Variants in ZBBX observed in about 807,000 individuals in gnomAD.
ZBBX encodes zinc finger B-box domain containing.
ZBBX carries 101 observed loss-of-function variants against 108.5 expected under a neutral mutation model. The observed-to-expected ratio is 0.93, with a 90% CI of 0.79 to 1.10. The LOEUF is 1.10. ZBBX is among the 50% of genes least tolerant of loss of function. The probability of loss-of-function intolerance (pLI) is 0.00; values close to 1 mark genes in which losing one functional copy is unlikely to be tolerated. For missense variants in ZBBX, 1,009 were observed against 941.4 expected (o/e 1.07, Z -0.94); for synonymous variants, 356 against 323.4 (o/e 1.10, Z -1.08).
At chr3:167,249,524 T>A (rs1722200741) in intron 20 of ZBBX, among the ~76,000 whole-genome samples, 1 of 152,170 alleles carries the variant, frequency 6.6e-6, no homozygotes, top group South Asian at 2.1e-4. Context: ...CTAGACAAAC[T>A]CCAGTCTCAC....
At position 167,305,951 on chromosome 3, in the gene ZBBX, C is replaced by A; in HGVS notation, c.1418-1G>T. 1.3e-6 allele frequency: 2 copies of A among 1,504,958 alleles called. No individual in the cohort carries two copies. Among genetic ancestry groups the A allele is most frequent in the Non-Finnish European group, 8.9e-7 (1 of 1,127,226 alleles). 93.2% of individuals were successfully genotyped at this position (1,504,958 alleles called of 1,614,324 possible). A position where few individuals can be genotyped will look rare whatever the true frequency, so the allele number is the denominator to read the frequency against. Reference sequence around the variant, plus strand: ...TCAAAATCTGTGTTTGAAGTTTCTGCTGTTAAAAACACACAGTTACAAAAG... The same window carrying A: ...TCAAAATCTGTGTTTGAAGTTTCTGATGTTAAAAACACACAGTTACAAAAG... On this transcript the variant is annotated splice_acceptor_variant, in intron 16 of 21. Transcript: ENST00000675490. LOFTEE classifies it high-confidence loss of function.
At chr3:167,298,212 C>A in intron 18 of ZBBX, 93 bp downstream of exon 18, 1 of 1,041,092 alleles carries the variant, frequency 9.6e-7, no homozygotes, top group Non-Finnish European at 1.3e-6. Flanking sequence ...TTTAGGCTGG[C>A]AAGAAGAAAA....
chr3:167,378,730 A>G (rs1004825997), intron 2 of ZBBX, among the ~76,000 whole-genome samples: 12 of 152,170 alleles, frequency 7.9e-5, no homozygotes, highest in African/African-American at 2.9e-4. Flanking sequence ...CTTTACCCTT[A>G]GCATCTCTGC....
At chr3:167,405,070 C>T (rs1297366865) in intron 1 of ZBBX, among the ~76,000 whole-genome samples, 1 of 152,100 alleles carries the variant, frequency 6.6e-6, no homozygotes, top group Non-Finnish European at 1.5e-5. Flanking sequence ...TGCATGGATG[C>T]TTTTTATTAA....
At chr3:167,180,193 T>C in the ZBBX span, among the ~76,000 whole-genome samples, 2 of 152,204 alleles carry the variant, frequency 1.3e-5, no homozygotes, top group East Asian at 1.9e-4. Flanking sequence ...TTGAGCATTA[T>C]GCACTTGTTT....
intron 9 of ZBBX, among the ~76,000 whole-genome samples, chr3:167,349,180 G>A (rs1207455969): frequency 6.6e-6 from 1 of 152,058 alleles, no homozygotes; most frequent in East Asian, 1.9e-4. Context: ...GTCACTGAGT[G>A]ATAACTCAGA....
intron 9 of ZBBX, among the ~76,000 whole-genome samples, chr3:167,343,790 C>T (rs1349372810): frequency 1.3e-5 from 2 of 151,850 alleles, no homozygotes; most frequent in African/African-American, 4.8e-5. Context: ...ATACTGCAGC[C>T]ACTTTGAAAA....
chr3:167,352,274 T>C (rs1052153952), intron 8 of ZBBX, among the ~76,000 whole-genome samples: 2 of 151,926 alleles, frequency 1.3e-5, no homozygotes, highest in African/African-American at 4.8e-5. Context: ...AGGATTCAAA[T>C]ACGCACAATA....
At chr3:167,292,028 C>A (rs917610108) in intron 18 of ZBBX, among the ~76,000 whole-genome samples, 1 of 152,076 alleles carries the variant, frequency 6.6e-6, no homozygotes, top group Non-Finnish European at 1.5e-5. Context: ...TGTATGCACC[C>A]AACACAGGAG....
intron 18 of ZBBX, among the ~76,000 whole-genome samples, chr3:167,296,006 A>T (rs1328986578): frequency 3.3e-5 from 5 of 151,770 alleles, no homozygotes; most frequent in African/African-American, 7.3e-5. Context: ...AAATCTTCAA[A>T]GTACAAGCAA....
At chr3:167,384,957 TA>T (rs754814041), upstream of ZBBX, among the ~76,000 whole-genome samples, 1 of 152,078 alleles carries the variant, frequency 6.6e-6, no homozygotes, top group Non-Finnish European at 1.5e-5. Flanking sequence ...TGTTGGTGTA[TA>T]TATGGGTCCA....
rs777019416 is a variant in ZBBX at position 167,305,792 on chromosome 3, G to C, written c.1576C>G (p.Leu526Val). The C allele has an allele frequency of 1.6e-5, 25 of 1,612,866 alleles. No homozygotes were observed. In the South Asian group the frequency reaches 2.4e-4, roughly 16 times the overall value. ...NQKSDDSCVS[L>V]ESKDTLLGRD... ...CCTAGCAAAGTGTCCTTGCTTTCAAGTGATACACAGGAATCATCAGACTTT... is the reference window on the plus strand; with the variant it reads ...CCTAGCAAAGTGTCCTTGCTTTCAACTGATACACAGGAATCATCAGACTTT... The change falls in exon 17 of 22, where the codon CTT becomes GTT. Residue 526 changes from leucine to valine, a missense_variant. Transcript: ENST00000675490.
chr3:167,367,091 T>C (rs1373621963), intron 5 of ZBBX, among the ~76,000 whole-genome samples: 4 of 151,938 alleles, frequency 2.6e-5, no homozygotes, highest in Non-Finnish European at 1.5e-5. Context: ...AAGGTACTTC[T>C]AGGTATTTGA....
chr3:167,295,307 T>A (rs187015064), intron 18 of ZBBX, among the ~76,000 whole-genome samples: 2 of 152,192 alleles, frequency 1.3e-5, no homozygotes, highest in East Asian at 3.9e-4. Flanking sequence ...CCATCAATGA[T>A]AGACTGGATA....
At chr3:167,194,279 A>G in the ZBBX span, among the ~76,000 whole-genome samples, 4 of 142,690 alleles carry the variant, frequency 2.8e-5, no homozygotes, top group Non-Finnish European at 6.3e-5. Context: ...ACTGATTCAT[A>G]GAGCACAGAA....
At position 167,305,872 on chromosome 3, in the gene ZBBX, C is replaced by A. The variant is rs35769851; in HGVS notation, c.1496G>T (p.Ser499Ile). ...CTTTAAATTTCTTTCAAAGGAGGTG[C>A]TTTCCTCAATTTTTTCAATGTCAGA... is the stretch of plus-strand genomic sequence containing the variant. ...YSSDIEKIEE[S>I]TSFERNLKEK... Residue 499 changes from serine to isoleucine, a missense_variant, in exon 17 of 22, where the codon AGC becomes ATC. Transcript: ENST00000675490. 5.6e-6 allele frequency: 9 copies of A among 1,608,536 alleles called. No homozygotes were observed. Among genetic ancestry groups the A allele is most frequent in the Non-Finnish European group, 6.8e-6 (8 of 1,177,940 alleles).
chr3:167,274,177 T>C (rs1727056485), intron 20 of ZBBX, among the ~76,000 whole-genome samples: 1 of 152,184 alleles, frequency 6.6e-6, no homozygotes, highest in Admixed American at 6.5e-5. Flanking sequence ...GACTGACTGC[T>C]TTGTCCAATG....
chr3:167,249,381 C>T (rs1722171111), intron 20 of ZBBX, among the ~76,000 whole-genome samples: 1 of 152,114 alleles, frequency 6.6e-6, no homozygotes, highest in African/African-American at 2.4e-5. Flanking sequence ...CAAGCTCAAG[C>T]AACTAAAAAT....
chr3:167,216,909 G>A, the ZBBX span, among the ~76,000 whole-genome samples: 23 of 152,258 alleles, frequency 1.5e-4, no homozygotes, highest in African/African-American at 3.1e-4. Flanking sequence ...TGGGATAACT[G>A]GTTAGCCATA....
Sources: allele counts gnomAD v4.1 joint callset (sites outside exome capture counted in the v4.1 genomes callset), GRCh38; gene constraint gnomAD v4.1.1; transcripts MANE v1.5; gene names NCBI Gene and HGNC (gene_info 2026-07-23, HGNC 2026-07-21).